EML6: variants seen among roughly 807,000 people sequenced by gnomAD.
EML6 encodes EMAP like 6, also known as echinoderm microtubule-associated protein-like 6.
Under a neutral mutation model 240.1 loss-of-function variants are expected in EML6, and 154 were observed. The ratio of observed to expected loss-of-function variants is 0.64; its 90% CI spans 0.56 to 0.73. EML6 has a LOEUF of 0.73. EML6 is among the 30% of genes least tolerant of loss of function. EML6 has a pLI of 0.00. For synonymous variants in EML6, 1,148 were observed against 899.0 expected (o/e 1.28, Z -4.95); for missense variants, 2,964 against 2,474.6 (o/e 1.20, Z -4.20).
At chr2:54,763,014 C>T (rs2103766528) in intron 2 of EML6, among the ~76,000 whole-genome samples, 1 of 152,302 alleles carries the variant, frequency 6.6e-6, no homozygotes, top group South Asian at 2.1e-4. Flanking sequence ...CCAATTCCAA[C>T]ACAGCTTCCC....
intron 26 of EML6, among the ~76,000 whole-genome samples, chr2:54,920,254 A>G (rs896144198): frequency 6.6e-6 from 1 of 152,116 alleles, no homozygotes; most frequent in Non-Finnish European, 1.5e-5. Context: ...GTTTTTGAAA[A>G]GGTAAAATTG....
At chr2:54,907,900 TTAGATAGATAGATAGATAGATAGATAGA>T (rs200763117) in intron 24 of EML6, among the ~76,000 whole-genome samples, 1 of 136,236 alleles carries the variant, frequency 7.3e-6, no homozygotes, top group African/African-American at 2.8e-5. Context: ...ATTAGATAGA[TTAGATAGATAGATAGATAGATAGATAGA>T]TAGATAGATA....
chr2:54,810,467 G>C (rs534417479), intron 2 of EML6, among the ~76,000 whole-genome samples: 1 of 152,114 alleles, frequency 6.6e-6, no homozygotes, highest in Admixed American at 6.5e-5. Flanking sequence ...ACAACTGCTC[G>C]GAGCAGTGAT....
intron 24 of EML6, among the ~76,000 whole-genome samples, chr2:54,904,833 G>T (rs1483743628): frequency 2.0e-5 from 3 of 152,176 alleles, no homozygotes; most frequent in Admixed American, 2.0e-4. Context: ...GAAGGCCTCT[G>T]CCAAAAAGGT....
intron 32 of EML6, 122 bp from the exon 33 acceptor site, chr2:54,957,668 G>A (rs1676293869): frequency 1.2e-6 from 1 of 812,622 alleles, no homozygotes; most frequent in Admixed American, 2.1e-5. Context: ...GGGAGAGAGT[G>A]CTGTAAAGAA....
At chr2:54,900,745 C>T (rs559025521) in intron 22 of EML6, among the ~76,000 whole-genome samples, 11 of 152,286 alleles carry the variant, frequency 7.2e-5, no homozygotes, top group African/African-American at 2.4e-4. Flanking sequence ...CAAGGGAGCC[C>T]ATTGATGCTC....
intron 2 of EML6, among the ~76,000 whole-genome samples, chr2:54,755,324 T>C (rs1271987584): frequency 6.6e-6 from 1 of 152,236 alleles, no homozygotes; most frequent in African/African-American, 2.4e-5. Flanking sequence ...TTCTTCAGAG[T>C]TGTCTTGAGT....
In EML6 at chr2:54,816,889, A is replaced by G; in HGVS notation, c.456+4A>G. 6.5e-7 allele frequency: 1 copy of G among 1,545,108 alleles called. No individual in the cohort carries two copies. On this transcript the variant is annotated splice_donor_region_variant and intron_variant, in intron 4 of 41. Transcript: ENST00000356458. ...AGCCACCGGCCATTCTGACAGGGTA[A>G]GAACTTGTTGGATCAAGCTATGCAG...
intron 26 of EML6, among the ~76,000 whole-genome samples, chr2:54,920,987 A>G (rs745760225): frequency 1.3e-5 from 2 of 152,046 alleles, no homozygotes; most frequent in African/African-American, 4.8e-5. Context: ...CTTCAATTAG[A>G]TATAGAAGGA....
chr2:54,775,209 C>A (rs923578892), intron 2 of EML6, among the ~76,000 whole-genome samples: 1 of 152,210 alleles, frequency 6.6e-6, no homozygotes, highest in Non-Finnish European at 1.5e-5. Context: ...TTACTCTCAA[C>A]CCTTGCTGCC....
At chr2:54,792,099 T>C (rs1285325792) in intron 2 of EML6, among the ~76,000 whole-genome samples, 1 of 152,198 alleles carries the variant, frequency 6.6e-6, no homozygotes, top group Admixed American at 6.5e-5. Context: ...GAAATGTGAT[T>C]TGTAGAAGGA....
intron 34 of EML6, among the ~76,000 whole-genome samples, 181 bp from the exon 35 acceptor site, chr2:54,960,039 A>G (rs1047194085): frequency 1.3e-5 from 2 of 152,178 alleles, no homozygotes; most frequent in African/African-American, 4.8e-5. Flanking sequence ...GGAGGTTGGG[A>G]TTGCTTAGCA....
Position 54,950,703 on chromosome 2 carries a change from C to T in EML6, c.4137C>T (p.Asn1379=). The change falls in exon 30 of 42, where the codon AAC becomes AAT. Residue 1379 remains asparagine (N), a synonymous_variant. Coordinates refer to ENST00000356458, the MANE Select transcript of EML6 (RefSeq NM_001039753.4). ...ACAGAGGTTTCGACTGTCGAAATAA[C>T]CTGCATTACCTTAATGATGGCGCTG... The part of the protein sequence containing the change: ...FGYRGFDCRN[N]LHYLNDGADI... 1 of 1,551,638 alleles carries T rather than the reference C, an allele frequency of 6.4e-7. No individual in the cohort carries two copies. The highest frequency in any genetic ancestry group is 8.7e-7 in the Non-Finnish European group (1 of 1,146,988).
chr2:54,898,885 C>T (rs1027713759), intron 21 of EML6, among the ~76,000 whole-genome samples: 4 of 152,180 alleles, frequency 2.6e-5, no homozygotes, highest in Non-Finnish European at 5.9e-5. Context: ...CATTTTCTCC[C>T]TGTTAAGTGT....
intron 7 of EML6, among the ~76,000 whole-genome samples, chr2:54,837,346 CA>C (rs1228307142): frequency 6.6e-6 from 1 of 152,146 alleles, no homozygotes; most frequent in Non-Finnish European, 1.5e-5. Context: ...GCAAGTAATA[CA>C]AACTTTCTAT....
intron 9 of EML6, 117 bp downstream of exon 9, chr2:54,847,740 G>GGGATCGT (rs1558607714): frequency 4.1e-5 from 42 of 1,027,326 alleles, no homozygotes; most frequent in Non-Finnish European, 4.9e-5. Context: ...ATTCAAATAG[G>GGGATCGT]AATACTATAG....
rs186613561 is a variant in EML6, at chr2:54,727,296, G to T, written c.197+2038G>T. Among the ~76,000 whole-genome samples, 3 of 145,734 alleles carry T rather than the reference G, an allele frequency of 2.1e-5. No individual in the cohort carries two copies. The East Asian group carries it at 5.8e-4, about 28-fold the overall frequency. On this transcript the variant is annotated intron_variant, in intron 2 of 41. Transcript: ENST00000356458. ...ATAATTCTCCACAATATTTGGTTGGGTCAGAGTATGTATAGGTGAGCAGAG... is the reference window on the plus strand; with the variant it reads ...ATAATTCTCCACAATATTTGGTTGGTTCAGAGTATGTATAGGTGAGCAGAG...
intron 2 of EML6, among the ~76,000 whole-genome samples, chr2:54,735,133 G>C (rs1459963742): frequency 3.3e-5 from 5 of 152,108 alleles, no homozygotes; most frequent in African/African-American, 1.2e-4. Context: ...ATCAATGCAA[G>C]TGCCACCTCT....
rs1397214886 is a variant in EML6, at chr2:54,916,836, T to C, written c.3576T>C (p.Asp1192=). ...AGGGAATCTGGCCAGCACATAGCGA[T>C]ATAACTGACGTAAATGCTGCCAGTC... ...TCEGIWPAHS[D]ITDVNAASLT... Residue 1192 remains aspartate, a synonymous_variant, in exon 26 of 42, where the codon GAT becomes GAC. Coordinates refer to ENST00000356458, the MANE Select transcript of EML6 (RefSeq NM_001039753.4). 6.4e-7 allele frequency: 1 copy of C among 1,550,992 alleles called. No individual in the cohort carries two copies. Among genetic ancestry groups the C allele is most frequent in the South Asian group, 1.2e-5 (1 of 84,016 alleles).
Sources: gnomAD v4.1 joint callset for allele counts (sites outside exome capture counted in the v4.1 genomes callset) on GRCh38, gnomAD v4.1.1 for gene constraint, MANE v1.5 for transcripts, NCBI Gene and HGNC (gene_info 2026-07-23, HGNC 2026-07-21) for gene names.